Variants in NPR1 observed in about 807,000 individuals in gnomAD.
The protein encoded by NPR1 is atrial natriuretic peptide receptor 1.
NPR1 carries 57 observed loss-of-function variants against 116.9 expected under a neutral mutation model. The observed-to-expected ratio is 0.49, with a 90% CI of 0.39 to 0.61. The LOEUF (loss-of-function observed/expected upper bound fraction) is 0.61, where lower values mean the gene tolerates loss of function less well. NPR1 is among the 20% of genes least tolerant of loss of function. NPR1 has a pLI of 0.00. For synonymous variants in NPR1, 555 were observed against 601.6 expected (o/e 0.92, Z 1.13); for missense variants, 1,096 against 1,409.8 (o/e 0.78, Z 3.56).
chr1:153,680,542 A>C lies in NPR1; in HGVS notation c.763A>C (p.Met255Leu). ...CSSPDAFRTL[M>L]LLALEAGLCG... ...CTCCCCTGATGCCTTCAGAACCCTCATGCTCCTGGCCCTGGAAGCTGGCTT... is the reference window on the plus strand; with the variant it reads ...CTCCCCTGATGCCTTCAGAACCCTCCTGCTCCTGGCCCTGGAAGCTGGCTT... Residue 255 changes from methionine to leucine, a missense_variant, in exon 2 of 22, where the codon ATG becomes CTG. Coordinates refer to ENST00000368680, the MANE Select transcript of NPR1 (RefSeq NM_000906.4). The C allele has an allele frequency of 2.5e-6, 4 of 1,613,762 alleles. No homozygotes were observed. Among genetic ancestry groups the C allele is most frequent in the Non-Finnish European group, 3.4e-6 (4 of 1,179,924 alleles).
intron 7 of NPR1, among the ~76,000 whole-genome samples, chr1:153,684,731 T>C (rs374171256): frequency 5.9e-5 from 9 of 152,312 alleles, no homozygotes; most frequent in Admixed American, 3.3e-4. Context: ...TAGTTAAGAA[T>C]GAAATAGATA....
At position 153,680,950 on chromosome 1, in the gene NPR1, G is replaced by C. The variant is rs964422895; in HGVS notation, c.922-230G>C. On this transcript the variant is annotated intron_variant, in intron 2 of 21. Coordinates refer to ENST00000368680, the MANE Select transcript of NPR1 (RefSeq NM_000906.4). ...GCTAAAAAGATAAGAAAATGGGCTT[G>C]AGGCGGGAGGAGGATAAAGTCCCAC... 3.0e-5 allele frequency: 18 copies of C among 596,544 alleles called. No homozygotes were observed. The Admixed American group carries it at 5.4e-4, about 18-fold the overall frequency. The allele number at this position is 596,544 out of a possible 1,614,324, so 37.0% of individuals were successfully genotyped here. A position where few individuals can be genotyped will look rare whatever the true frequency, so the allele number is the denominator to read the frequency against.
Position 153,687,320 on chromosome 1 carries a change from G to C in NPR1, c.2056G>C (p.Asp686His). The change falls in exon 13 of 22, where the codon GAC (aspartate) becomes CAC (histidine). Residue 686 changes from aspartate (D) to histidine (H), a missense_variant. Transcript: ENST00000368680. ...CGACTATGGGCTGGAGAGCTTCAGG[G>C]ACCTGGACCCAGAGCAAGGACACAC... ...ITDYGLESFRDLDPEQGHTVY... is the reference protein window; with the variant it reads ...ITDYGLESFRHLDPEQGHTVY... 1 of 1,614,046 alleles carries C rather than the reference G, an allele frequency of 6.2e-7. No homozygotes were observed. The highest frequency in any genetic ancestry group is 8.5e-7 in the Non-Finnish European group (1 of 1,179,974).
chr1:153,686,928 A>G (rs906474762), intron 11 of NPR1, 88 bp from the exon 12 acceptor site: 1 of 1,428,714 alleles, frequency 7.0e-7, no homozygotes, highest in African/African-American at 1.4e-5. Flanking sequence ...GTCCTGTTCT[A>G]CCAGTTCACA....
At chr1:153,691,118 A>T (rs78342858) in intron 20 of NPR1, among the ~76,000 whole-genome samples, 8,068 of 152,122 alleles carry the variant, frequency 0.053, 647 homozygotes, top group African/African-American at 0.17. Flanking sequence ...GAGGGAAAAA[A>T]TCTATCTCAC....
chr1:153,693,079 C>A (rs748934147), intron 20 of NPR1, 27 bp from the exon 21 acceptor site: 2 of 1,579,922 alleles, frequency 1.3e-6, no homozygotes, highest in Non-Finnish European at 8.7e-7. Flanking sequence ...ACATTGCTCA[C>A]CTTCCCTTCT....
chr1:153,690,316 A>T lies in NPR1; in HGVS notation c.2965A>T (p.Met989Leu). ...PVCAGVVGLKMPRYCLFGDTV... is the reference protein window; with the variant it reads ...PVCAGVVGLKLPRYCLFGDTV... The stretch of plus-strand genomic sequence containing the variant: ...GTGTGCTGGAGTGGTGGGACTGAAG[A>T]TGCCCCGTTACTGTCTCTTTGGGGA... The change falls in exon 20 of 22, where the codon ATG becomes TTG. Residue 989 changes from methionine to leucine, a missense_variant. Coordinates refer to ENST00000368680, the MANE Select transcript of NPR1 (RefSeq NM_000906.4). 6.4e-7 allele frequency: 1 copy of T among 1,560,418 alleles called. No individual in the cohort carries two copies. Among genetic ancestry groups the T allele is most frequent in the Non-Finnish European group, 8.7e-7 (1 of 1,150,972 alleles).
At position 153,679,215 on chromosome 1, in the gene NPR1, C is replaced by T; in HGVS notation, c.107C>T (p.Thr36Met). The T allele has an allele frequency of 1.3e-6, 2 of 1,522,000 alleles. No individual in the cohort carries two copies. Among genetic ancestry groups the T allele is most frequent in the Non-Finnish European group, 1.8e-6 (2 of 1,139,482 alleles). The allele number at this position is 1,522,000 out of a possible 1,614,324, so 94.3% of individuals were successfully genotyped here. The change falls in exon 1 of 22, where the codon ACG (threonine) becomes ATG (methionine). Residue 36 changes from threonine to methionine, a missense_variant. By Grantham distance (81) the Thr-to-Met change is moderately conservative. Coordinates refer to ENST00000368680, the MANE Select transcript of NPR1 (RefSeq NM_000906.4). This position sits in a 1 kb window ranked among gnomAD's most constrained non-coding sequence, Gnocchi z 4.2. The part of the protein sequence containing the change: ...LLRGSHAGNL[T>M]VAVVLPLANT... ...CGGGGCAGCCACGCGGGCAACCTGACGGTAGCCGTGGTACTGCCGCTGGCC... is the reference window on the plus strand; with the variant it reads ...CGGGGCAGCCACGCGGGCAACCTGATGGTAGCCGTGGTACTGCCGCTGGCC...
chr1:153,690,457 C>A, intron 20 of NPR1, 75 bp downstream of exon 20: 2 of 1,068,364 alleles, frequency 1.9e-6, no homozygotes, highest in Non-Finnish European at 2.8e-6. Context: ...GCAGCCTGTG[C>A]CTGCACAGCC....
Position 153,689,669 on chromosome 1 carries a change from C to G in NPR1, c.2758-137C>G. The G allele has an allele frequency of 8.2e-7, 1 of 1,216,322 alleles. No individual in the cohort carries two copies. The highest frequency in any genetic ancestry group is 1.2e-6 in the Non-Finnish European group (1 of 861,068). The allele number at this position is 1,216,322 out of a possible 1,614,324, so 75.3% of individuals were successfully genotyped here. A position where few individuals can be genotyped will look rare whatever the true frequency, so the allele number is the denominator to read the frequency against. On this transcript the variant is annotated intron_variant, in intron 18 of 21. Coordinates refer to ENST00000368680, the MANE Select transcript of NPR1 (RefSeq NM_000906.4). This position sits in a 1 kb window ranked among gnomAD's most constrained non-coding sequence, Gnocchi z 5.1. ...TGACACAGGGAGACCCGGGAACAGG[C>G]AGAGAACCCATGTGGGATGGGGGAT...
At chr1:153,684,477 C>T (rs542104947) in intron 7 of NPR1, among the ~76,000 whole-genome samples, 9 of 150,198 alleles carry the variant, frequency 6.0e-5, no homozygotes, top group South Asian at 2.1e-4. Context: ...CTGCAACCTC[C>T]GCCTCCCAGT....
At position 153,689,043 on chromosome 1, in the gene NPR1, G is replaced by A. The variant is rs146936948; in HGVS notation, c.2508G>A (p.Gln836=). 191 of 1,614,104 alleles carry A rather than the reference G, an allele frequency of 1.2e-4. 1 individual carries two copies. The highest frequency in any genetic ancestry group is 3.3e-4 in the Middle Eastern group (2 of 6,084). ...NLEELVEERT[Q]AYLEEKRKAE... ...AGGAACTGGTGGAGGAGCGGACCCA[G>A]GCATACCTGGAGGAGAAGCGCAAGG... The change falls in exon 16 of 22, where the codon CAG becomes CAA. Residue 836 remains glutamine (Q), a synonymous_variant. Transcript: ENST00000368680. The surrounding 1 kb of genome is among the most constrained non-coding windows in gnomAD (Gnocchi z 5.1).
At chr1:153,682,438 A>G (rs61806718) in intron 4 of NPR1, 60 bp from the exon 5 acceptor site, 3 of 1,225,860 alleles carry the variant, frequency 2.4e-6, no homozygotes, top group Non-Finnish European at 3.6e-6. Context: ...GAAGAGATGA[A>G]GTGGGGCACC....
chr1:153,690,069 TCTC>T (rs1670055368), intron 19 of NPR1, 89 bp downstream of exon 19: 1 of 94,496 alleles, frequency 1.1e-5, no homozygotes, highest in Non-Finnish European at 1.7e-5. Context: ...CGCCCTTTCA[TCTC>T]TCTCTCTCTC....
intron 2 of NPR1, 34 bp downstream of exon 2, chr1:153,680,734 A>C: frequency 6.5e-7 from 1 of 1,540,958 alleles, no homozygotes; most frequent in African/African-American, 1.4e-5. Flanking sequence ...AGGCTGTCTC[A>C]GCTTGTGGCA....
rs1669971887 is a variant in NPR1, at chr1:153,687,751, G to T, written c.2210G>T (p.Gly737Val). 6.2e-7 allele frequency: 1 copy of T among 1,600,980 alleles called. No homozygotes were observed. The highest frequency in any genetic ancestry group is 1.3e-5 in the African/African-American group (1 of 74,628). Residue 737 changes from glycine (G) to valine (V), a missense_variant, in exon 14 of 22, where the codon GGG (glycine) becomes GTG (valine). By Grantham distance (109) the Gly-to-Val change is moderately radical. Coordinates refer to ENST00000368680, the MANE Select transcript of NPR1 (RefSeq NM_000906.4). ...CTTCAGGAGATTGCCCTGAGGAGTG[G>T]GGTCTTCCACGTGGAAGGTTTGGAC... ...IILQEIALRSGVFHVEGLDLS... is the reference protein window; with the variant it reads ...IILQEIALRSVVFHVEGLDLS...
chr1:153,680,266 T>G (rs1669728373), intron 1 of NPR1, among the ~76,000 whole-genome samples: 1 of 141,346 alleles, frequency 7.1e-6, no homozygotes, highest in Non-Finnish European at 1.5e-5. Flanking sequence ...TACCCGTTCC[T>G]TCCTCCCTTC....
At position 153,679,804 on chromosome 1, in the gene NPR1, G is replaced by A. The variant is rs764787803; in HGVS notation, c.696G>A (p.Leu232=). Residue 232 remains leucine (L), a synonymous_variant, in exon 1 of 22, where the codon CTG becomes CTA. Coordinates refer to ENST00000368680, the MANE Select transcript of NPR1 (RefSeq NM_000906.4). The surrounding 1 kb of genome is among the most constrained non-coding windows in gnomAD (Gnocchi z 4.2). ...EDDLSHYTRL[L]RTMPRKGRVI... ...ACCTCAGCCACTACACCAGGCTGCT[G>A]CGGACCATGCCGCGCAAAGGCCGAG... The A allele has an allele frequency of 6.5e-7, 1 of 1,545,336 alleles. No individual in the cohort carries two copies. Among genetic ancestry groups the A allele is most frequent in the African/African-American group, 1.4e-5 (1 of 73,398 alleles).
rs569864691 is a variant in NPR1 at position 153,680,806 on chromosome 1, C to T, written c.921+106C>T. ...AGAATTCCAGAAAAGAGGTTTTTGT[C>T]TGTTTGTTTCTTTATGCACTCCTGG... On this transcript the variant is annotated intron_variant, in intron 2 of 21. Transcript: ENST00000368680. The T allele has an allele frequency of 1.5e-4, 140 of 941,958 alleles. No homozygotes were observed. In the African/African-American group the frequency reaches 2.1e-3, roughly 14 times the overall value. 58.3% of individuals were successfully genotyped at this position (941,958 alleles called of 1,614,324 possible).
Sources: gnomAD v4.1 joint callset for allele counts (sites outside exome capture counted in the v4.1 genomes callset) on GRCh38, gnomAD v4.1.1 for gene constraint, Gnocchi (gnomAD v3.1) non-coding constraint, MANE v1.5 for transcripts, NCBI Gene and HGNC (gene_info 2026-07-23, HGNC 2026-07-21) for gene names.